The following TTLL5 variants were observed in gnomAD, a reference collection of about 807,000 sequenced individuals.
The protein encoded by TTLL5 is tubulin tyrosine ligase like 5.
TTLL5 carries 132 observed loss-of-function variants against 168.4 expected under a neutral mutation model. The ratio of observed to expected loss-of-function variants is 0.78; its 90% CI spans 0.68 to 0.91. The LOEUF (loss-of-function observed/expected upper bound fraction) is 0.91. TTLL5 is among the 40% of genes least tolerant of loss of function. TTLL5 has a pLI of 0.00. For missense variants in TTLL5, 1,545 were observed against 1,581.5 expected (o/e 0.98, Z 0.39); for synonymous variants, 546 against 558.6 (o/e 0.98, Z 0.32).
intron 17 of TTLL5, among the ~76,000 whole-genome samples, chr14:75,751,802 A>G (rs1889971037): frequency 6.6e-6 from 1 of 152,220 alleles, no homozygotes; most frequent in Admixed American, 6.5e-5. Flanking sequence ...TATACAAGAA[A>G]GAATTCTGGT....
intron 24 of TTLL5, among the ~76,000 whole-genome samples, chr14:75,780,725 A>G (rs1891999139): frequency 2.0e-5 from 3 of 152,152 alleles, no homozygotes; most frequent in Non-Finnish European, 4.4e-5. Context: ...TCTTTTAAAA[A>G]CTGATTTGGT....
At chr14:75,876,620 C>T (rs990691705) in intron 29 of TTLL5, among the ~76,000 whole-genome samples, 1 of 152,226 alleles carries the variant, frequency 6.6e-6, no homozygotes, top group Non-Finnish European at 1.5e-5. Context: ...TTCTGGATTG[C>T]TGTCCCATTC....
intron 15 of TTLL5, among the ~76,000 whole-genome samples, chr14:75,740,895 C>G (rs1032854667): frequency 6.6e-6 from 1 of 152,080 alleles, no homozygotes; most frequent in African/African-American, 2.4e-5. Context: ...GATTTTTATT[C>G]TTTGCATGTG....
chr14:75,858,709 C>T (rs1172155265), intron 28 of TTLL5, among the ~76,000 whole-genome samples: 1 of 152,206 alleles, frequency 6.6e-6, no homozygotes, highest in African/African-American at 2.4e-5. Context: ...GTATCCACCA[C>T]TGTGAGTTTG....
rs1331102999 is a variant in TTLL5, at chr14:75,684,448, CTATTT to C, written c.371+793_371+797del. 2.0e-5 allele frequency: 3 copies of C among 152,060 alleles called. No individual in the cohort carries two copies. The East Asian group carries it at 5.8e-4, about 29-fold the overall frequency. The allele number at this position is 152,060 out of a possible 1,614,324, so 9.4% of individuals were successfully genotyped here. On this transcript the variant is annotated intron_variant, in intron 5 of 31. Transcript: ENST00000298832. ...AATCCTTTTTGCATGATGGTAGTTT[CTATTT>C]CTTTGTTTTTAAAATAATTGAAGGA...
chr14:75,886,582 A>G (rs972818229), intron 30 of TTLL5: 1 of 1,193,562 alleles, frequency 8.4e-7, no homozygotes, highest in Non-Finnish European at 1.2e-6. Context: ...ATTTAGCTAA[A>G]TCTCATTTGT....
chr14:75,704,309 C>A (rs1051129452), intron 7 of TTLL5, among the ~76,000 whole-genome samples: 1 of 152,178 alleles, frequency 6.6e-6, no homozygotes, highest in African/African-American at 2.4e-5. Context: ...GAGGCTGAGG[C>A]GGGCATATCA....
At chr14:75,708,677 A>G (rs1318553341) in intron 9 of TTLL5, among the ~76,000 whole-genome samples, 1 of 152,156 alleles carries the variant, frequency 6.6e-6, no homozygotes, top group Non-Finnish European at 1.5e-5. Context: ...GATTAAGTTC[A>G]AGTTGTTATA....
intron 21 of TTLL5, among the ~76,000 whole-genome samples, chr14:75,773,927 T>TATATATATAGAGAGAG (rs1354936334): frequency 3.8e-4 from 8 of 21,126 alleles, no homozygotes; most frequent in South Asian, 2.9e-3. Flanking sequence ...TATATATATA[T>TATATATATAGAGAGAG]AGAGAGAGAG....
chr14:75,736,362 C>A (rs1402245943), intron 15 of TTLL5, among the ~76,000 whole-genome samples: 2 of 151,986 alleles, frequency 1.3e-5, no homozygotes, highest in Non-Finnish European at 2.9e-5. Flanking sequence ...TTTCTGTTTG[C>A]GAAATCCATA....
At position 75,764,671 on chromosome 14, in the gene TTLL5, A is replaced by G. The variant is rs1382142246; in HGVS notation, c.1607A>G (p.Lys536Arg). Residue 536 changes from lysine (K) to arginine (R), a missense_variant, in exon 19 of 32, where the codon AAG becomes AGG. By Grantham distance (26) the Lys-to-Arg change is conservative. Coordinates refer to ENST00000298832, the MANE Select transcript of TTLL5 (RefSeq NM_015072.5). ...LKIESLNSKA[K>R]LHAALYERKL... ...ATAGAGAGTCTGAATTCAAAGGCCA[A>G]GCTGCATGCTGCACTTTACGAGAGG... 3 of 1,614,172 alleles carry G rather than the reference A, an allele frequency of 1.9e-6. No homozygotes were observed. The highest frequency in any genetic ancestry group is 1.7e-6 in the Non-Finnish European group (2 of 1,179,994).
At chr14:75,794,851 C>T (rs556977884) in intron 27 of TTLL5, among the ~76,000 whole-genome samples, 1 of 152,062 alleles carries the variant, frequency 6.6e-6, no homozygotes, top group East Asian at 1.9e-4. Context: ...CAGTTCACTC[C>T]ATTGTTATTC....
At chr14:75,857,195 G>C (rs1296097385) in intron 28 of TTLL5, among the ~76,000 whole-genome samples, 1 of 152,112 alleles carries the variant, frequency 6.6e-6, no homozygotes, top group Non-Finnish European at 1.5e-5. Context: ...GTGTCTGTCA[G>C]GAAATGGGTA....
intron 27 of TTLL5, among the ~76,000 whole-genome samples, chr14:75,810,435 A>C (rs914165600): frequency 4.6e-5 from 7 of 152,018 alleles, no homozygotes; most frequent in African/African-American, 1.5e-4. Context: ...TGGTGTGATT[A>C]TGGTTCACTG....
chr14:75,854,294 G>A (rs1897025782), intron 28 of TTLL5, among the ~76,000 whole-genome samples: 1 of 152,066 alleles, frequency 6.6e-6, no homozygotes, highest in Non-Finnish European at 1.5e-5. Context: ...GTTCTTTTGT[G>A]TTTGGCTTCT....
chr14:75,730,733 C>T (rs992563173), intron 12 of TTLL5, among the ~76,000 whole-genome samples: 2 of 151,956 alleles, frequency 1.3e-5, no homozygotes, highest in South Asian at 2.1e-4. Flanking sequence ...CTCTAGATTC[C>T]CATTCTAGGA....
intron 30 of TTLL5, 116 bp downstream of exon 30, chr14:75,883,018 G>A: frequency 8.7e-7 from 1 of 1,150,648 alleles, no homozygotes; most frequent in Non-Finnish European, 1.2e-6. Context: ...AAGAACACCT[G>A]CTGGGAAATA....
chr14:75,783,143 A>G lies in TTLL5; in HGVS notation c.2603-4A>G, dbSNP rs550463902. The G allele has an allele frequency of 1.1e-4, 171 of 1,596,424 alleles. 1 individual carries two copies. In the South Asian group the frequency reaches 1.8e-3, roughly 16 times the overall value. ...GATGTCTTGTTTTGTTTTGTTTTTA[A>G]TAGGATTTACCACTTCAGCAGAAAA... On this transcript the variant is annotated splice_polypyrimidine_tract_variant and splice_region_variant and intron_variant, in intron 25 of 31. Transcript: ENST00000298832.
intron 31 of TTLL5, among the ~76,000 whole-genome samples, chr14:75,903,473 A>G (rs2033012258): frequency 6.6e-6 from 1 of 152,066 alleles, no homozygotes; most frequent in Admixed American, 6.5e-5. Flanking sequence ...TAGTAGGGCC[A>G]TTTTATGAGC....
Sources: allele counts gnomAD v4.1 joint callset (sites outside exome capture counted in the v4.1 genomes callset), GRCh38; gene constraint gnomAD v4.1.1; transcripts MANE v1.5; gene names NCBI Gene and HGNC (gene_info 2026-07-23, HGNC 2026-07-21).